RASGRP3: variants seen among roughly 807,000 people sequenced by gnomAD.
RASGRP3 encodes the protein ras guanyl-releasing protein 3.
RASGRP3 carries 54 observed loss-of-function variants against 82.7 expected under a neutral mutation model. The ratio of observed to expected loss-of-function variants is 0.65; its 90% CI spans 0.52 to 0.82. RASGRP3 has a LOEUF of 0.82. RASGRP3 is among the 40% of genes least tolerant of loss of function. RASGRP3 has a pLI of 0.00. For synonymous variants in RASGRP3, 309 were observed against 300.5 expected (o/e 1.03, Z -0.29); for missense variants, 861 against 828.9 (o/e 1.04, Z -0.48).
rs1257553074 is a variant in RASGRP3, at chr2:33,516,545, A to G, written c.74A>G (p.Asp25Gly). ...LLCTCIEMFD[D>G]NGELDNSYLP... ...TCTTGTTTTATTTTTCTAACAGATG[A>G]CAATGGAGAGCTGGATAATAGTTAT... The change falls in exon 4 of 18, where the codon GAC (aspartate) becomes GGC (glycine). Residue 25 changes from aspartate (D) to glycine (G), a missense_variant. Asp to Gly is a moderately conservative substitution (Grantham distance 94). Transcript: ENST00000403687. 6 of 1,550,886 alleles carry G rather than the reference A, an allele frequency of 3.9e-6. No individual in the cohort carries two copies. Among genetic ancestry groups the G allele is most frequent in the Non-Finnish European group, 3.5e-6 (4 of 1,131,120 alleles).
rs56664748 is a variant in RASGRP3, at chr2:33,529,487, C to CAAAAAAAAAAAAAA, written c.1083+2088_1083+2089insAAAAAAAAAAAAAA. 4.4e-4 allele frequency among the ~76,000 whole-genome samples: 25 copies of CAAAAAAAAAAAAAA among 57,032 alleles called. 7 individuals carry two copies. The highest frequency in any genetic ancestry group is 0.013 in the Middle Eastern group (1 of 78). The allele number at this position is 57,032 out of a possible 152,430, so 37.4% of individuals were successfully genotyped here. A position where few individuals can be genotyped will look rare whatever the true frequency, so the allele number is the denominator to read the frequency against. ...TGGGCGACAGAGCGAGACTCCATCTCAAAAAAAAAAAAATTCAGGAGTACA... is the reference window on the plus strand; with the variant it reads ...TGGGCGACAGAGCGAGACTCCATCTCAAAAAAAAAAAAAAAAAAAAAAAAAAATTCAGGAGTACA... On this transcript the variant is annotated intron_variant, in intron 10 of 17. Transcript: ENST00000403687.
At position 33,562,846 on chromosome 2, in the gene RASGRP3, G is replaced by A. The variant is rs1676837327; in HGVS notation, c.*109G>A. On this transcript the variant is annotated 3_prime_UTR_variant, in exon 18 of 18. Transcript: ENST00000403687. The stretch of plus-strand genomic sequence containing the variant: ...AGGAAGTTATCTGGAAAGATACCTG[G>A]ATGTTTACTGCCTTGGGACACTGTG... 1.1e-5 allele frequency: 16 copies of A among 1,397,134 alleles called. No individual in the cohort carries two copies. The highest frequency in any genetic ancestry group is 3.6e-5 in the South Asian group (3 of 82,250). 86.5% of individuals were successfully genotyped at this position (1,397,134 alleles called of 1,614,324 possible).
intron 2 of RASGRP3, among the ~76,000 whole-genome samples, chr2:33,468,743 A>G (rs140148600): frequency 9.3e-4 from 141 of 152,216 alleles, no homozygotes; most frequent in South Asian, 7.1e-3. Flanking sequence ...TATCTTATGA[A>G]TATGTTCTAA....
At chr2:33,536,207 CG>C (rs928162931) in intron 11 of RASGRP3, among the ~76,000 whole-genome samples, 2 of 149,858 alleles carry the variant, frequency 1.3e-5, no homozygotes, top group Non-Finnish European at 1.5e-5. Flanking sequence ...GAGGCTGAGG[CG>C]GGAGGATCAC....
At chr2:33,527,073 C>A in intron 9 of RASGRP3, 64 bp from the exon 10 acceptor site, 1 of 1,536,846 alleles carries the variant, frequency 6.5e-7, no homozygotes, top group Non-Finnish European at 8.8e-7. Flanking sequence ...CCACACATTG[C>A]AGGGCCCGGG....
chr2:33,531,235 C>G (rs1476249973), intron 10 of RASGRP3, among the ~76,000 whole-genome samples: 1 of 152,166 alleles, frequency 6.6e-6, no homozygotes, highest in Non-Finnish European at 1.5e-5. Flanking sequence ...CAACTTGAAA[C>G]AGTGGATAAG....
At position 33,522,345 on chromosome 2, in the gene RASGRP3, G is replaced by A. The variant is rs776325546; in HGVS notation, c.516+243G>A. 1.3e-4 allele frequency among the ~76,000 whole-genome samples: 20 copies of A among 152,212 alleles called. No homozygotes were observed. The Middle Eastern group carries it at 0.01, about 78-fold the overall frequency. ...ATGTCTCCTTTCATAGGATTAAAGCGTGATTTTTCTAAACAGTCAGTGGAG... is the reference window on the plus strand; with the variant it reads ...ATGTCTCCTTTCATAGGATTAAAGCATGATTTTTCTAAACAGTCAGTGGAG... On this transcript the variant is annotated intron_variant, in intron 7 of 17. Transcript: ENST00000403687.
chr2:33,534,488 T>C, intron 11 of RASGRP3, 88 bp downstream of exon 11: 2 of 870,188 alleles, frequency 2.3e-6, no homozygotes, highest in Non-Finnish European at 3.6e-6. Flanking sequence ...TGCTTTATGT[T>C]CTAAAACGGA....
upstream of RASGRP3, among the ~76,000 whole-genome samples, chr2:33,473,711 G>A (rs867174202): frequency 1.3e-5 from 2 of 152,166 alleles, no homozygotes; most frequent in Non-Finnish European, 2.9e-5. Flanking sequence ...TGACTGAAAG[G>A]GTCCTGGGTC....
chr2:33,539,051 A>G, intron 11 of RASGRP3, 43 bp from the exon 12 acceptor site: 1 of 1,341,510 alleles, frequency 7.5e-7, no homozygotes, highest in South Asian at 1.3e-5. Flanking sequence ...AATAATAATA[A>G]TAATAAAGTT....
At chr2:33,461,318 A>C (rs1666349594) in intron 2 of RASGRP3, among the ~76,000 whole-genome samples, 1 of 152,218 alleles carries the variant, frequency 6.6e-6, no homozygotes, top group Non-Finnish European at 1.5e-5. Context: ...TTTCTCTGTC[A>C]CCTAGGCTGG....
intron 14 of RASGRP3, among the ~76,000 whole-genome samples, chr2:33,554,792 G>A (rs1367954247): frequency 1.3e-5 from 2 of 152,110 alleles, no homozygotes; most frequent in South Asian, 2.1e-4. Context: ...TCTTTATGGT[G>A]TTTAGAAGGA....
At chr2:33,527,099 A>C in intron 9 of RASGRP3, 38 bp from the exon 10 acceptor site, 1 of 1,607,672 alleles carries the variant, frequency 6.2e-7, no homozygotes, top group African/African-American at 1.3e-5. Flanking sequence ...GCAGGAGGGA[A>C]AGTTGTTTGA....
intron 14 of RASGRP3, among the ~76,000 whole-genome samples, chr2:33,553,112 TGCA>T (rs995730538): frequency 9.9e-5 from 14 of 141,436 alleles, no homozygotes; most frequent in African/African-American, 3.6e-4. Flanking sequence ...CAGCAGTTCC[TGCA>T]GCAATGCTAA....
chr2:33,539,995 AAAAAAG>A (rs772642939), intron 12 of RASGRP3: 34 of 121,178 alleles, frequency 2.8e-4, no homozygotes, highest in South Asian at 1.1e-3. Flanking sequence ...CTGAAAAAAA[AAAAAAG>A]AAAAGAAAAG....
chr2:33,449,988 T>A (rs1665703513), intron 2 of RASGRP3, among the ~76,000 whole-genome samples: 3 of 152,278 alleles, frequency 2.0e-5, no homozygotes, highest in Admixed American at 1.3e-4. Context: ...GAAGGTCAGA[T>A]TAAGGAGTTT....
At chr2:33,527,013 G>A in intron 9 of RASGRP3, 124 bp from the exon 10 acceptor site, 1 of 1,004,018 alleles carries the variant, frequency 1.0e-6, no homozygotes, top group Non-Finnish European at 1.4e-6. Flanking sequence ...TTTCCCTGCA[G>A]CAACATTGGT....
intron 17 of RASGRP3, among the ~76,000 whole-genome samples, chr2:33,561,456 A>G (rs542938812): frequency 1.3e-5 from 2 of 152,232 alleles, no homozygotes; most frequent in Admixed American, 1.3e-4. Context: ...GTATGCTCTT[A>G]TATGAAATGC....
chr2:33,538,503 A>AAAATAAATAAAT (rs3083025), intron 11 of RASGRP3, among the ~76,000 whole-genome samples: 72 of 145,388 alleles, frequency 5.0e-4, no homozygotes, highest in African/African-American at 1.7e-3. Flanking sequence ...ACTCTGTCTC[A>AAAATAAATAAAT]AAATAAATAA....
Sources: gnomAD v4.1 joint callset for allele counts (sites outside exome capture counted in the v4.1 genomes callset) on GRCh38, gnomAD v4.1.1 for gene constraint, MANE v1.5 for transcripts, NCBI Gene and HGNC (gene_info 2026-07-23, HGNC 2026-07-21) for gene names.